COG7: variants seen among roughly 807,000 people sequenced by gnomAD.
COG7 encodes conserved oligomeric Golgi complex subunit 7.
In COG7, 49 loss-of-function variants were observed where a neutral mutation model predicts 91.5. The ratio of observed to expected loss-of-function variants is 0.54; its 90% CI spans 0.43 to 0.68. COG7 has a LOEUF of 0.68. COG7 is among the 30% of genes least tolerant of loss of function. COG7 has a pLI of 0.00. For synonymous variants in COG7, 365 were observed against 388.7 expected (o/e 0.94, Z 0.72); for missense variants, 895 against 961.3 (o/e 0.93, Z 0.91).
chr16:23,427,868 T>C (rs954814923), intron 6 of COG7, among the ~76,000 whole-genome samples: 2 of 152,162 alleles, frequency 1.3e-5, no homozygotes, highest in Non-Finnish European at 2.9e-5. Context: ...AAATTCGTTA[T>C]TTTTAAATGT....
In COG7 at chr16:23,398,147, G is replaced by A; in HGVS notation, c.1804-18C>T. 6.2e-7 allele frequency: 1 copy of A among 1,608,066 alleles called. No homozygotes were observed. Among genetic ancestry groups the A allele is most frequent in the African/African-American group, 1.3e-5 (1 of 74,868 alleles). ...TTCCAGCTCTAAGGGTGGAACGAGA[G>A]GACACAATCAGTACCTAGCAGCCAG... is the stretch of plus-strand genomic sequence containing the variant. On this transcript the variant is annotated intron_variant, in intron 13 of 16. Coordinates refer to ENST00000307149, the MANE Select transcript of COG7 (RefSeq NM_153603.4).
chr16:23,431,276 A>G (rs528005294), intron 6 of COG7, among the ~76,000 whole-genome samples: 6 of 152,278 alleles, frequency 3.9e-5, no homozygotes, highest in African/African-American at 1.2e-4. Flanking sequence ...TGCTATACCG[A>G]CCTTCAGGAG....
chr16:23,409,837 A>G (rs1963533579), intron 11 of COG7, among the ~76,000 whole-genome samples: 1 of 152,166 alleles, frequency 6.6e-6, no homozygotes, highest in South Asian at 2.1e-4. Flanking sequence ...ACAGCCCTTC[A>G]GCAGCACGGA....
intron 6 of COG7, among the ~76,000 whole-genome samples, chr16:23,427,769 G>C (rs1181820488): frequency 6.6e-6 from 1 of 152,094 alleles, no homozygotes; most frequent in Non-Finnish European, 1.5e-5. Flanking sequence ...TATTCTTCTT[G>C]AACTTCAACA....
At chr16:23,409,108 T>C (rs1963521220) in intron 11 of COG7, among the ~76,000 whole-genome samples, 1 of 144,594 alleles carries the variant, frequency 6.9e-6, no homozygotes, top group South Asian at 2.2e-4. Context: ...TGTGTGTGTG[T>C]GTGTGTGTAT....
intron 13 of COG7, among the ~76,000 whole-genome samples, chr16:23,400,167 A>C (rs1457908617): frequency 6.6e-6 from 1 of 152,196 alleles, no homozygotes; most frequent in South Asian, 2.1e-4. Context: ...AAAAACAGAC[A>C]ATCAGACTAG....
rs999282480 is a variant in COG7, at chr16:23,392,486, G to A, written c.2040C>T (p.Asn680=). 2 of 1,614,242 alleles carry A rather than the reference G, an allele frequency of 1.2e-6. No homozygotes were observed. The highest frequency in any genetic ancestry group is 1.1e-5 in the South Asian group (1 of 91,086). ...ELPELDNMAD[N]WLGSIARATM... ...TGGCTCTGGCGATCGAGCCCAGCCA[G>A]TTGTCAGCCATGTTGTCCAGCTCGG... Residue 680 remains asparagine, a synonymous_variant, in exon 16 of 17, where the codon AAC becomes AAT. Transcript: ENST00000307149.
intron 14 of COG7, among the ~76,000 whole-genome samples, chr16:23,393,994 G>A (rs1171344102): frequency 6.8e-6 from 1 of 146,890 alleles, no homozygotes; most frequent in Non-Finnish European, 1.5e-5. Flanking sequence ...AGTGAGCCAA[G>A]ATCATGCCAT....
chr16:23,424,724 A>C lies in COG7; in HGVS notation c.1009+25T>G, dbSNP rs1596938291. ...GAAAGAGCGAGTAAAGACAAGCTAG[A>C]GAACTGGCAGGAAGGAATGTTTACG... On this transcript the variant is annotated intron_variant, in intron 7 of 16. Transcript: ENST00000307149. 3 of 1,612,522 alleles carry C rather than the reference A, an allele frequency of 1.9e-6. No individual in the cohort carries two copies. The East Asian group carries it at 6.7e-5, about 36-fold the overall frequency.
At chr16:23,425,072 G>A (rs958408916) in intron 6 of COG7, 125 bp from the exon 7 acceptor site, 118 of 786,866 alleles carry the variant, frequency 1.5e-4, no homozygotes, top group Non-Finnish European at 2.3e-4. Context: ...CACCTTGGGA[G>A]GCCAAGGAAG....
chr16:23,405,410 G>T (rs562727699), intron 12 of COG7, among the ~76,000 whole-genome samples: 1 of 152,152 alleles, frequency 6.6e-6, no homozygotes, highest in Non-Finnish European at 1.5e-5. Flanking sequence ...ACCCTGAACA[G>T]GGCCAGGGGC....
chr16:23,394,033 CA>C (rs1044445558), intron 14 of COG7, among the ~76,000 whole-genome samples: 1 of 111,648 alleles, frequency 9.0e-6, no homozygotes. Context: ...GACTCTGTCT[CA>C]AAAAAAAAGA....
At chr16:23,396,597 T>C (rs1963288670) in intron 14 of COG7, among the ~76,000 whole-genome samples, 1 of 151,784 alleles carries the variant, frequency 6.6e-6, no homozygotes, top group African/African-American at 2.4e-5. Flanking sequence ...GAGAATCACT[T>C]GAATCTAGGA....
intron 6 of COG7, among the ~76,000 whole-genome samples, chr16:23,431,992 T>C (rs1403557287): frequency 1.3e-5 from 2 of 151,844 alleles, no homozygotes; most frequent in Non-Finnish European, 2.9e-5. Flanking sequence ...AAAAAATTTT[T>C]TTTAATTAGC....
At chr16:23,441,312 C>T (rs11647292) in intron 4 of COG7, among the ~76,000 whole-genome samples, 58,383 of 152,086 alleles carry the variant, frequency 0.38, 13,752 homozygotes, top group Non-Finnish European at 0.52. Flanking sequence ...TGGTGGCTCG[C>T]GCCTCTAATC....
intron 4 of COG7, among the ~76,000 whole-genome samples, chr16:23,441,533 C>A (rs1217638144): frequency 1.3e-5 from 2 of 152,114 alleles, no homozygotes; most frequent in Non-Finnish European, 2.9e-5. Context: ...TGAGGTCACG[C>A]CACTGCACGC....
At chr16:23,442,719 A>G (rs1964121392) in intron 3 of COG7, 74 bp from the exon 4 acceptor site, 20 of 1,298,992 alleles carry the variant, frequency 1.5e-5, no homozygotes, top group East Asian at 2.3e-5. Flanking sequence ...GATAAAATAC[A>G]TGAAAAGGCA....
chr16:23,411,752 C>A (rs1963565851), intron 10 of COG7, among the ~76,000 whole-genome samples: 2 of 152,174 alleles, frequency 1.3e-5, no homozygotes, highest in Non-Finnish European at 2.9e-5. Context: ...GCATTAAGAA[C>A]CACATGTGTC....
chr16:23,400,346 G>A (rs1274540341), intron 13 of COG7, among the ~76,000 whole-genome samples: 4 of 152,184 alleles, frequency 2.6e-5, no homozygotes, highest in Non-Finnish European at 4.4e-5. Flanking sequence ...CAGAGAAAAG[G>A]AAGGGACAGC....
Sources: allele counts gnomAD v4.1 joint callset (sites outside exome capture counted in the v4.1 genomes callset), GRCh38; gene constraint gnomAD v4.1.1; transcripts MANE v1.5; gene names NCBI Gene and HGNC (gene_info 2026-07-23, HGNC 2026-07-21).